Variants in FLNA observed in about 807,000 individuals in gnomAD.
The protein encoded by FLNA is filamin A.
A neutral mutation model predicts 157.6 loss-of-function variants in FLNA; 7 were observed. That is an observed-to-expected ratio of 0.04 (90% CI 0.03 to 0.08). FLNA has a LOEUF of 0.08. Among genes scored for constraint, FLNA ranks in the 10% least tolerant of loss-of-function variants. The probability of loss-of-function intolerance (pLI) is 1.00; values close to 1 mark genes in which losing one functional copy is unlikely to be tolerated. For missense variants in FLNA, 1,750 were observed against 2,398.4 expected (o/e 0.73, Z 5.65); for synonymous variants, 1,103 against 1,060.8 (o/e 1.04, Z -0.77).
At chrX:154,349,317 G>T in intron 47 of FLNA, 45 bp downstream of exon 47, 1 of 1,153,205 alleles carries the variant, frequency 8.7e-7, no homozygotes, top group Non-Finnish European at 1.2e-6. Context: ...GTGATTTCTG[G>T]CCTCATTTTG....
chrX:154,350,956 C>T lies in FLNA; in HGVS notation c.7109G>A (p.Ser2370Asn). The T allele has an allele frequency of 1.7e-6, 2 of 1,211,044 alleles. No individual in the cohort carries two copies. The highest frequency in any genetic ancestry group is 5.9e-5 in the East Asian group (2 of 33,861). ...GCACTCCTCCAGGGCTCCTGAGGGG[C>T]TGTGCACCTTGGCATCGATCGCCCC... is the stretch of plus-strand genomic sequence containing the variant. ...AKGAIDAKVH[S>N]PSGALEECYV... Residue 2370 changes from serine (S) to asparagine (N), a missense_variant, in exon 44 of 48, where the codon AGC becomes AAC. By Grantham distance (46) the Ser-to-Asn change is conservative (BLOSUM62 1). Coordinates refer to ENST00000369850, the MANE Select transcript of FLNA (RefSeq NM_001110556.2).
chrX:154,358,899 CA>C (rs1171314161), intron 26 of FLNA, 84 bp downstream of exon 26: 1 of 1,072,258 alleles, frequency 9.3e-7, no homozygotes, highest in African/African-American at 1.8e-5. Context: ...CTCTGGTCCT[CA>C]CTTTGGGCCT....
chrX:154,371,477 C>G (rs1340765977), intron 1 of FLNA, 116 bp from the exon 2 acceptor site: 4 of 410,985 alleles, frequency 9.7e-6, no homozygotes, highest in African/African-American at 7.9e-5. Context: ...CACCCCGCCC[C>G]GCCCGTTGGA....
Position 154,362,228 on chromosome X carries a change from G to C in FLNA, c.2656+14C>G, listed in dbSNP as rs369957061. On this transcript the variant is annotated intron_variant, in intron 18 of 47. Transcript: ENST00000369850. ...TTGATGCCCCGCAACCTGCCATGGGGTACCTGTCCTCACCAGTGCGACTGA... is the reference window on the plus strand; with the variant it reads ...TTGATGCCCCGCAACCTGCCATGGGCTACCTGTCCTCACCAGTGCGACTGA... The C allele has an allele frequency of 4.7e-5, 57 of 1,208,218 alleles. No individual in the cohort carries two copies. The highest frequency in any genetic ancestry group is 5.0e-5 in the Non-Finnish European group (45 of 893,519).
chrX:154,365,593 C>T, intron 9 of FLNA, 107 bp from the exon 10 acceptor site: 2 of 951,089 alleles, frequency 2.1e-6, no homozygotes, highest in South Asian at 2.1e-5. Flanking sequence ...CAGAGCTTGG[C>T]TGGAGGGGGA....
At chrX:154,351,439 G>C in intron 43 of FLNA, 142 bp downstream of exon 43, 1 of 471,614 alleles carries the variant, frequency 2.1e-6, no homozygotes, top group Non-Finnish European at 3.7e-6. Context: ...AGCGTGGGCT[G>C]CACCCGGCCA....
Position 154,358,313 on chromosome X carries a change from C to T in FLNA, c.4641G>A (p.Lys1547=), listed in dbSNP as rs1216818182. 1 of 1,209,980 alleles carries T rather than the reference C, an allele frequency of 8.3e-7. No homozygotes were observed. Among genetic ancestry groups the T allele is most frequent in the Non-Finnish European group, 1.1e-6 (1 of 895,177 alleles). The change falls in exon 28 of 48, where the codon AAG becomes AAA. Residue 1547 remains lysine (K), a synonymous_variant. Coordinates refer to ENST00000369850, the MANE Select transcript of FLNA (RefSeq NM_001110556.2). The part of the protein sequence containing the change: ...VKVLPTHDAS[K]VKASGPGLNT... ...TGAGCCCGGGGCCACTGGCCTTCAC[C>T]TTGCTGGCATCATGAGTAGGCAGCA...
In FLNA at chrX:154,353,393, G is replaced by T; in HGVS notation, c.5925C>A (p.Ile1975=). ...VGSAADIPIN[I]SETDLSLLTA... is the part of the protein sequence containing the mutation. Reference sequence around the variant, plus strand: ...TCAGCAGGCTGAGATCCGTCTCTGAGATGTTGATGGGGATGTCGGCAGCAG... The same window carrying T: ...TCAGCAGGCTGAGATCCGTCTCTGATATGTTGATGGGGATGTCGGCAGCAG... Residue 1975 remains isoleucine, a synonymous_variant, in exon 37 of 48, where the codon ATC becomes ATA. Transcript: ENST00000369850. 1.7e-6 allele frequency: 2 copies of T among 1,211,865 alleles called. No individual in the cohort carries two copies. The highest frequency in any genetic ancestry group is 2.2e-6 in the Non-Finnish European group (2 of 895,524).
In FLNA at chrX:154,353,012, G is replaced by A. The variant is rs2067633067; in HGVS notation, c.6215C>T (p.Thr2072Ile). ...TFEPAEFIIDTRDAGYGGLSL... is the reference protein window; with the variant it reads ...TFEPAEFIIDIRDAGYGGLSL... ...CAGCCACTGCCTACCTGCATCGCGG[G>A]TATCAATGATAAACTCTGCAGGCTC... The change falls in exon 38 of 48, where the codon ACC (threonine) becomes ATC (isoleucine). Residue 2072 changes from threonine to isoleucine, a missense_variant. Physicochemically the swap from Thr to Ile is moderately conservative, Grantham distance 89. This residue lies in a region of FLNA where 970 missense variants were observed against 1,302.6 expected (regional missense o/e 0.74). Transcript: ENST00000369850. 7 of 1,211,414 alleles carry A rather than the reference G, an allele frequency of 5.8e-6. No homozygotes were observed. The highest frequency in any genetic ancestry group is 1.8e-5 in the South Asian group (1 of 57,011).
intron 47 of FLNA, 131 bp downstream of exon 47, chrX:154,349,231 G>C: frequency 1.3e-6 from 1 of 787,157 alleles, no homozygotes. Flanking sequence ...GGTCCAGGAG[G>C]TGGCAGGGAG....
At chrX:154,361,140 C>G (rs782372145) in intron 21 of FLNA, among the ~76,000 whole-genome samples, 168 bp downstream of exon 21, 2 of 96,563 alleles carry the variant, frequency 2.1e-5, no homozygotes, top group Non-Finnish European at 4.2e-5. Context: ...GTTTCTATTT[C>G]CCTCCTCCCC....
chrX:154,353,633 C>T lies in FLNA; in HGVS notation c.5781G>A (p.Val1927=), dbSNP rs781955191. ...DGTCSVSYLP[V]LPGDYSILVK... is the part of the protein sequence containing the mutation. Reference sequence around the variant, plus strand: ...CTAGAATGCTGTAGTCCCCCGGCAGCACAGGCAGGTAGGACACGCTGCATG... The same window carrying T: ...CTAGAATGCTGTAGTCCCCCGGCAGTACAGGCAGGTAGGACACGCTGCATG... The change falls in exon 36 of 48, where the codon GTG becomes GTA. Residue 1927 remains valine (V), a synonymous_variant. Coordinates refer to ENST00000369850, the MANE Select transcript of FLNA (RefSeq NM_001110556.2). 1 of 1,211,675 alleles carries T rather than the reference C, an allele frequency of 8.3e-7. No individual in the cohort carries two copies. The highest frequency in any genetic ancestry group is 1.1e-6 in the Non-Finnish European group (1 of 895,306).
In FLNA at chrX:154,350,196, C is replaced by G; in HGVS notation, c.7168G>C (p.Val2390Leu). ...VTEIDQDKYA[V>L]RFIPRENGVY... ...CCATTCTCCCGAGGGATGAAGCGCACAGCATACTTATCTGAGGAGCAGGGA... is the reference window on the plus strand; with the variant it reads ...CCATTCTCCCGAGGGATGAAGCGCAGAGCATACTTATCTGAGGAGCAGGGA... The change falls in exon 45 of 48, where the codon GTG becomes CTG. Residue 2390 changes from valine (V) to leucine (L), a missense_variant. Physicochemically the swap from Val to Leu is conservative, Grantham distance 32. This residue lies in a region of FLNA where 970 missense variants were observed against 1,302.6 expected (regional missense o/e 0.74). Transcript: ENST00000369850. 1.7e-6 allele frequency: 2 copies of G among 1,211,601 alleles called. No homozygotes were observed. Among genetic ancestry groups the G allele is most frequent in the Non-Finnish European group, 2.2e-6 (2 of 895,260 alleles).
In FLNA at chrX:154,352,289, C is replaced by A; in HGVS notation, c.6661G>T (p.Val2221Leu). 1.7e-6 allele frequency: 2 copies of A among 1,212,056 alleles called. No individual in the cohort carries two copies. Among genetic ancestry groups the A allele is most frequent in the Non-Finnish European group, 2.2e-6 (2 of 895,644 alleles). Residue 2221 changes from valine to leucine, a missense_variant, in exon 41 of 48, where the codon GTG (valine) becomes TTG (leucine). Transcript: ENST00000369850. ...GTGAACTGGAAGGGGCTCCCAGGCACGTGCTGGCCCTTGTACTTCACGCTG... is the reference window on the plus strand; with the variant it reads ...GTGAACTGGAAGGGGCTCCCAGGCAAGTGCTGGCCCTTGTACTTCACGCTG... ...TVSVKYKGQHVPGSPFQFTVG... is the reference protein window; with the variant it reads ...TVSVKYKGQHLPGSPFQFTVG...
chrX:154,357,057 G>C (rs1178475163), intron 30 of FLNA, among the ~76,000 whole-genome samples, 194 bp downstream of exon 30: 1 of 112,206 alleles, frequency 8.9e-6, no homozygotes, highest in Non-Finnish European at 1.9e-5. Context: ...AAGAGCTGGA[G>C]CGGTCATGCT....
chrX:154,366,904 C>T (rs1398575214), intron 5 of FLNA, 54 bp from the exon 6 acceptor site: 2 of 960,593 alleles, frequency 2.1e-6, no homozygotes, highest in Non-Finnish European at 3.0e-6. Flanking sequence ...CACAGCCTCA[C>T]CCCTCCACCC....
chrX:154,349,246 C>A, intron 47 of FLNA, 116 bp downstream of exon 47: 1 of 850,767 alleles, frequency 1.2e-6, no homozygotes, highest in Non-Finnish European at 1.7e-6. Flanking sequence ...AGGGAGGTGG[C>A]TCTAGAAGTG....
Position 154,359,266 on chromosome X carries a change from T to G in FLNA, c.4283A>C (p.Tyr1428Ser). 1 of 1,210,974 alleles carries G rather than the reference T, an allele frequency of 8.3e-7. No individual in the cohort carries two copies. Among genetic ancestry groups the G allele is most frequent in the Non-Finnish European group, 1.1e-6 (1 of 895,372 alleles). Residue 1428 changes from tyrosine (Y) to serine (S), a missense_variant, in exon 25 of 48, where the codon TAT becomes TCT. Around this residue, in one of 5 missense-constraint regions of FLNA, gnomAD observed 970 missense variants for 1,302.6 expected, o/e 0.74. Coordinates refer to ENST00000369850, the MANE Select transcript of FLNA (RefSeq NM_001110556.2). Reference sequence around the variant, plus strand: ...CTCACCTGGCACTTGATGGCCACCATAGGTGACGTTGAGGCTGTAGGTGCC... The same window carrying G: ...CTCACCTGGCACTTGATGGCCACCAGAGGTGACGTTGAGGCTGTAGGTGCC... ...EAGTYSLNVT[Y>S]GGHQVPGSPF...
chrX:154,368,646 C>T (rs1213260364), intron 2 of FLNA, among the ~76,000 whole-genome samples: 3 of 112,429 alleles, frequency 2.7e-5, no homozygotes, highest in Non-Finnish European at 5.7e-5. Context: ...GGGAGTTGGG[C>T]AAACGCCCTT....
Sources: gnomAD v4.1 joint callset for allele counts (sites outside exome capture counted in the v4.1 genomes callset) on GRCh38, gnomAD v4.1.1 for gene constraint, gnomAD v4.1.1 regional missense constraint, MANE v1.5 for transcripts, NCBI Gene and HGNC (gene_info 2026-07-23, HGNC 2026-07-21) for gene names.